Variants in RAI14 observed in about 807,000 individuals in gnomAD.
RAI14 encodes retinoic acid induced 14.
RAI14 carries 45 observed loss-of-function variants against 115.4 expected under a neutral mutation model. The observed-to-expected ratio is 0.39, with a 90% CI of 0.31 to 0.50. The LOEUF is 0.50. RAI14 is among the 20% of genes least tolerant of loss of function. The pLI is 0.85. For synonymous variants in RAI14, 371 were observed against 415.4 expected, an observed-to-expected ratio of 0.89 and a Z score of 1.30; for missense variants, 939 against 1,131.2, an observed-to-expected ratio of 0.83 and a Z score of 2.44.
intron 3 of RAI14, among the ~76,000 whole-genome samples, chr5:34,784,996 A>G (rs1191249800): frequency 6.6e-6 from 1 of 152,198 alleles, no homozygotes; most frequent in African/African-American, 2.4e-5. Flanking sequence ...AAGTCTCCAT[A>G]GGTTGTATAA....
At chr5:34,723,099 C>CAA (rs34763264) in intron 2 of RAI14, among the ~76,000 whole-genome samples, 1,089 of 85,446 alleles carry the variant, frequency 0.013, 32 homozygotes, top group African/African-American at 0.034. Context: ...GACCCTGTCT[C>CAA]AAAAAAAAAA....
chr5:34,728,258 AG>A (rs1743730479), intron 2 of RAI14, among the ~76,000 whole-genome samples: 1 of 152,200 alleles, frequency 6.6e-6, no homozygotes. Context: ...GTCTTGTCTC[AG>A]ATGAGACTTT....
chr5:34,772,104 G>T (rs1750240482), intron 3 of RAI14, among the ~76,000 whole-genome samples: 1 of 151,998 alleles, frequency 6.6e-6, no homozygotes, highest in East Asian at 1.9e-4. Context: ...GTAGAGATGG[G>T]GTTTCACCAT....
chr5:34,692,738 G>C lies in RAI14; in HGVS notation c.36+5783G>C, dbSNP rs902578282. Among the ~76,000 whole-genome samples the C allele has an allele frequency of 3.3e-5, 5 of 152,000 alleles. No homozygotes were observed. In the East Asian group the frequency reaches 9.6e-4, roughly 29 times the overall value. On this transcript the variant is annotated intron_variant, in intron 2 of 17. Coordinates refer to ENST00000265109, the MANE Select transcript of RAI14 (RefSeq NM_015577.3). ...TTTGTGCCGTGCTACGTGTTTTCTA[G>C]GTCTTTTCAGCCTGATTTAAATGGA...
chr5:34,774,579 G>A (rs1290480859), intron 3 of RAI14, among the ~76,000 whole-genome samples: 1 of 152,010 alleles, frequency 6.6e-6, no homozygotes, highest in African/African-American at 2.4e-5. Flanking sequence ...TCTCTACAAT[G>A]AAAACTATAA....
In RAI14 at chr5:34,824,473, G is replaced by C; in HGVS notation, c.2631G>C (p.Glu877Asp). 1 of 1,576,322 alleles carries C rather than the reference G, an allele frequency of 6.3e-7. No homozygotes were observed. The highest frequency in any genetic ancestry group is 8.6e-7 in the Non-Finnish European group (1 of 1,161,576). ...KRYAESSSKL[E>D]EDKDKKINEM... ...ACGCTGAGAGCTCTTCAAAACTGGA[G>C]GAAGATAAAGATAAAAAGGTTGGTG... is the stretch of plus-strand genomic sequence containing the variant. Residue 877 changes from glutamate to aspartate, a missense_variant, in exon 15 of 18, where the codon GAG becomes GAC. Glu to Asp is a conservative substitution (Grantham distance 45). Coordinates refer to ENST00000265109, the MANE Select transcript of RAI14 (RefSeq NM_015577.3).
intron 16 of RAI14, 48 bp downstream of exon 16, chr5:34,826,527 A>G (rs541409826): frequency 1.9e-6 from 3 of 1,586,432 alleles, no homozygotes; most frequent in Admixed American, 3.5e-5. Flanking sequence ...AGGGCCTGGC[A>G]GATTTCCTAC....
intron 3 of RAI14, among the ~76,000 whole-genome samples, chr5:34,770,215 C>T (rs1468851798): frequency 6.6e-6 from 1 of 152,180 alleles, no homozygotes; most frequent in East Asian, 1.9e-4. Flanking sequence ...ACTTTGAGAA[C>T]CACTGCACGA....
Position 34,739,477 on chromosome 5 carries a change from G to A in RAI14, c.37-17991G>A, listed in dbSNP as rs565399948. Among the ~76,000 whole-genome samples the A allele has an allele frequency of 2.0e-5, 3 of 152,304 alleles. No homozygotes were observed. The East Asian group carries it at 5.8e-4, about 29-fold the overall frequency. ...GATTTGCTAGAATAGACAGAAGGGA[G>A]CCAGTTTATTCTCAGTAGTAGAGAG... On this transcript the variant is annotated intron_variant, in intron 2 of 17. Transcript: ENST00000265109.
intron 2 of RAI14, among the ~76,000 whole-genome samples, chr5:34,740,048 G>T (rs564462907): frequency 2.0e-5 from 3 of 152,068 alleles, no homozygotes; most frequent in Non-Finnish European, 4.4e-5. Context: ...GCAAGACTCT[G>T]TCTCAAAAAA....
chr5:34,737,603 T>TAAA (rs1745029450), intron 2 of RAI14, among the ~76,000 whole-genome samples: 2 of 138,992 alleles, frequency 1.4e-5, no homozygotes, highest in Non-Finnish European at 3.3e-5. Context: ...AAAAAAAAAT[T>TAAA]TAAAAATTAG....
At chr5:34,692,939 G>A (rs1430077786) in intron 2 of RAI14, among the ~76,000 whole-genome samples, 1 of 152,170 alleles carries the variant, frequency 6.6e-6, no homozygotes, top group Non-Finnish European at 1.5e-5. Context: ...CTGCGAGGGC[G>A]AATCTGTTCC....
At chr5:34,779,021 C>G (rs1184691262) in intron 3 of RAI14, among the ~76,000 whole-genome samples, 1 of 152,044 alleles carries the variant, frequency 6.6e-6, no homozygotes, top group Non-Finnish European at 1.5e-5. Context: ...AAAGCTTATC[C>G]ACCAAGATCA....
chr5:34,745,935 A>C (rs1483970192), intron 2 of RAI14, among the ~76,000 whole-genome samples: 2 of 152,104 alleles, frequency 1.3e-5, no homozygotes, highest in Admixed American at 1.3e-4. Flanking sequence ...CTTCTCTGCC[A>C]CTGCATCTCT....
chr5:34,727,499 C>T (rs565910938), intron 2 of RAI14, among the ~76,000 whole-genome samples: 1 of 152,172 alleles, frequency 6.6e-6, no homozygotes, highest in Non-Finnish European at 1.5e-5. Context: ...TGCCAGAGAC[C>T]TTTGTGGCGC....
intron 2 of RAI14, among the ~76,000 whole-genome samples, chr5:34,738,792 A>G (rs1745163227): frequency 6.6e-6 from 1 of 152,206 alleles, no homozygotes; most frequent in Non-Finnish European, 1.5e-5. Context: ...TGAGGATACC[A>G]TCTTACCACA....
chr5:34,666,455 T>G (rs745955075), intron 1 of RAI14, among the ~76,000 whole-genome samples: 9 of 152,170 alleles, frequency 5.9e-5, no homozygotes, highest in Non-Finnish European at 1.3e-4. Flanking sequence ...CAGCCTGATG[T>G]GGCTGTCTTG....
chr5:34,657,616 C>G (rs1395318903), intron 1 of RAI14, among the ~76,000 whole-genome samples: 1 of 152,222 alleles, frequency 6.6e-6, no homozygotes, highest in East Asian at 1.9e-4. Flanking sequence ...CACGCATGAT[C>G]GGGGTGGGAT....
At position 34,685,061 on chromosome 5, in the gene RAI14, T is replaced by C. The variant is rs1159687973; in HGVS notation, c.-48-1811T>C. 2.0e-5 allele frequency: 3 copies of C among 152,116 alleles called. No homozygotes were observed. The East Asian group carries it at 5.8e-4, about 29-fold the overall frequency. 9.4% of individuals were successfully genotyped at this position (152,116 alleles called of 1,614,324 possible). Reference sequence around the variant, plus strand: ...ATGCGAAGTTTTCACATCTTGTACATTTCCAAATTTAATGAAAAAGGTAGA... The same window carrying C: ...ATGCGAAGTTTTCACATCTTGTACACTTCCAAATTTAATGAAAAAGGTAGA... On this transcript the variant is annotated intron_variant, in intron 1 of 17. Transcript: ENST00000265109.
Sources: gnomAD v4.1 joint callset for allele counts (sites outside exome capture counted in the v4.1 genomes callset) on GRCh38, gnomAD v4.1.1 for gene constraint, MANE v1.5 for transcripts, NCBI Gene and HGNC (gene_info 2026-07-23, HGNC 2026-07-21) for gene names.